GRIA3: variants seen among roughly 807,000 people sequenced by gnomAD.
GRIA3 encodes glutamate ionotropic receptor AMPA type subunit 3.
Under a neutral mutation model 63.0 loss-of-function variants are expected in GRIA3, and 3 were observed. The observed-to-expected ratio is 0.05, with a 90% CI of 0.02 to 0.12. The LOEUF is 0.12. Ranked by LOEUF, GRIA3 falls within the 10% of genes least tolerant of loss-of-function variation. The pLI is 1.00. For missense variants in GRIA3, 347 were observed against 700.9 expected (o/e 0.50, Z 5.70); for synonymous variants, 274 against 257.9 (o/e 1.06, Z -0.60).
At chrX:123,205,230 T>C (rs995322621) in intron 2 of GRIA3, among the ~76,000 whole-genome samples, 1 of 112,194 alleles carries the variant, frequency 8.9e-6, no homozygotes, top group African/African-American at 3.2e-5. Flanking sequence ...AATCTTATGC[T>C]CCTTCCATGC....
intron 3 of GRIA3, among the ~76,000 whole-genome samples, chrX:123,300,986 A>G (rs1484906068): frequency 1.8e-5 from 2 of 110,908 alleles, no homozygotes; most frequent in Non-Finnish European, 3.8e-5. Context: ...TTTTGAATGA[A>G]TTTCTTAGTC....
At chrX:123,380,012 A>G (rs896934630) in intron 5 of GRIA3, among the ~76,000 whole-genome samples, 10 of 110,397 alleles carry the variant, frequency 9.1e-5, no homozygotes, top group African/African-American at 3.3e-4. Flanking sequence ...CATGGTGTAT[A>G]TGTGTCACAT....
At chrX:123,484,623 G>A (rs2045931872) in intron 15 of GRIA3, among the ~76,000 whole-genome samples, 1 of 111,893 alleles carries the variant, frequency 8.9e-6, no homozygotes, top group Non-Finnish European at 1.9e-5. Flanking sequence ...TGGGATTACA[G>A]GCACTTGCCA....
chrX:123,373,796 T>G (rs1288438879), intron 5 of GRIA3, among the ~76,000 whole-genome samples: 2 of 111,878 alleles, frequency 1.8e-5, no homozygotes, highest in Non-Finnish European at 3.8e-5. Context: ...TTTCTCCCAT[T>G]CTGTAGGTTG....
chrX:123,456,182 T>C (rs1603166095), intron 12 of GRIA3, among the ~76,000 whole-genome samples: 1 of 111,051 alleles, frequency 9.0e-6, no homozygotes, highest in African/African-American at 3.3e-5. Context: ...GGGGCACTAC[T>C]GGGCACACAC....
intron 12 of GRIA3, among the ~76,000 whole-genome samples, chrX:123,453,458 T>G (rs1269435675): frequency 9.0e-6 from 1 of 110,764 alleles, no homozygotes; most frequent in Non-Finnish European, 1.9e-5. Context: ...AGTTAATGGG[T>G]GCAGCACACC....
At chrX:123,195,070 G>A (rs1482960367) in intron 2 of GRIA3, among the ~76,000 whole-genome samples, 2 of 112,908 alleles carry the variant, frequency 1.8e-5, no homozygotes, top group African/African-American at 3.2e-5. Flanking sequence ...CTAATGATTC[G>A]TCCTCAGACA....
chrX:123,388,016 C>T (rs1477264603), intron 5 of GRIA3, among the ~76,000 whole-genome samples: 2 of 111,910 alleles, frequency 1.8e-5, no homozygotes, highest in Non-Finnish European at 3.8e-5. Context: ...ATTAGTTCTT[C>T]TTTGTGAGTT....
intron 2 of GRIA3, among the ~76,000 whole-genome samples, chrX:123,194,063 CT>C (rs1927510571): frequency 9.0e-6 from 1 of 111,147 alleles, no homozygotes; most frequent in Non-Finnish European, 1.9e-5. Flanking sequence ...TTTTAGTTAT[CT>C]TTAACTATTT....
chrX:123,307,445 G>A (rs1054675358), intron 3 of GRIA3, among the ~76,000 whole-genome samples: 2 of 111,694 alleles, frequency 1.8e-5, no homozygotes, highest in Non-Finnish European at 3.8e-5. Flanking sequence ...ATTTGATATG[G>A]GATTCAGGGA....
At chrX:123,397,598 T>C (rs776046208) in intron 6 of GRIA3, among the ~76,000 whole-genome samples, 1 of 112,346 alleles carries the variant, frequency 8.9e-6, no homozygotes, top group Non-Finnish European at 1.9e-5. Flanking sequence ...TGTCCCCTGT[T>C]ACAGTCACAC....
chrX:123,351,916 G>T (rs2045097125), intron 4 of GRIA3, among the ~76,000 whole-genome samples: 1 of 111,672 alleles, frequency 9.0e-6, no homozygotes, highest in Non-Finnish European at 1.9e-5. Flanking sequence ...TTATAAGACA[G>T]CTACCTTCAA....
At chrX:123,273,036 G>A (rs780751633) in intron 3 of GRIA3, among the ~76,000 whole-genome samples, 77 of 111,561 alleles carry the variant, frequency 6.9e-4, no homozygotes, top group African/African-American at 2.2e-3. Flanking sequence ...CCTACAGTCC[G>A]GCCTTCCTGC....
At chrX:123,374,845 T>A (rs1396514542) in intron 5 of GRIA3, among the ~76,000 whole-genome samples, 1 of 112,063 alleles carries the variant, frequency 8.9e-6, no homozygotes, top group Non-Finnish European at 1.9e-5. Flanking sequence ...ACCCTTTATT[T>A]ATTTCTCTTG....
intron 3 of GRIA3, among the ~76,000 whole-genome samples, chrX:123,255,980 A>G (rs1004628394): frequency 1.1e-4 from 12 of 111,057 alleles, no homozygotes; most frequent in African/African-American, 3.6e-4. Context: ...CCAACTAACA[A>G]ACCCATTCTC....
intron 4 of GRIA3, among the ~76,000 whole-genome samples, chrX:123,338,106 C>G (rs1258901678): frequency 1.8e-5 from 2 of 111,754 alleles, no homozygotes; most frequent in South Asian, 7.6e-4. Flanking sequence ...CATCTCCCAA[C>G]AGAGCCATTA....
intron 5 of GRIA3, among the ~76,000 whole-genome samples, chrX:123,384,356 G>T (rs758993627): frequency 1.8e-5 from 2 of 112,591 alleles, no homozygotes; most frequent in South Asian, 7.3e-4. Context: ...CAGGCGTGGT[G>T]GCTAACGCCT....
At chrX:123,293,021 T>G (rs2044665097) in intron 3 of GRIA3, among the ~76,000 whole-genome samples, 1 of 110,295 alleles carries the variant, frequency 9.1e-6, no homozygotes, top group South Asian at 3.9e-4. Flanking sequence ...GCCCTAAGGG[T>G]ATGGTACCTT....
chrX:123,346,525 T>G (rs930316211), intron 4 of GRIA3, among the ~76,000 whole-genome samples: 21 of 112,452 alleles, frequency 1.9e-4, no homozygotes, highest in Non-Finnish European at 5.6e-5. Context: ...CTCTTCATTT[T>G]CAAAATAGCA....
Sources: allele counts gnomAD v4.1 joint callset (sites outside exome capture counted in the v4.1 genomes callset), GRCh38; gene constraint gnomAD v4.1.1; transcripts MANE v1.5; gene names NCBI Gene and HGNC (gene_info 2026-07-23, HGNC 2026-07-21).